Variants in STPG1 observed in about 807,000 individuals in gnomAD.
STPG1 encodes the protein O(6)-methylguanine-induced apoptosis 2.
In STPG1, 33 loss-of-function variants were observed where a neutral mutation model predicts 40.1. The ratio of observed to expected loss-of-function variants is 0.82; its 90% CI spans 0.62 to 1.10. The LOEUF is 1.10. Ranked by LOEUF, STPG1 falls within the 50% of genes least tolerant of loss-of-function variation. The probability of loss-of-function intolerance (pLI) is 0.00; values close to 1 mark genes in which losing one functional copy is unlikely to be tolerated. For missense variants in STPG1, 396 were observed against 415.1 expected, an observed-to-expected ratio of 0.95 and a Z score of 0.40; for synonymous variants, 150 against 155.0, an observed-to-expected ratio of 0.97 and a Z score of 0.24.
chr1:24,394,834 G>C (rs1267766809), intron 2 of STPG1, among the ~76,000 whole-genome samples: 2 of 152,022 alleles, frequency 1.3e-5, no homozygotes, highest in Non-Finnish European at 2.9e-5. Flanking sequence ...GAAACTTTGA[G>C]GAGCCTAATA....
chr1:24,379,542 A>G, intron 5 of STPG1, 111 bp downstream of exon 5: 1 of 1,264,744 alleles, frequency 7.9e-7, no homozygotes, highest in Non-Finnish European at 1.1e-6. Flanking sequence ...ACAAATGCTA[A>G]CTGGCTTGAC....
At chr1:24,380,458 C>T (rs1438399216) in intron 4 of STPG1, among the ~76,000 whole-genome samples, 4 of 152,198 alleles carry the variant, frequency 2.6e-5, no homozygotes, top group African/African-American at 9.6e-5. Context: ...ACAAAAGTCA[C>T]AGAAACTCAG....
chr1:24,392,463 C>T lies in STPG1; in HGVS notation c.71-784G>A, dbSNP rs144676192. Among the ~76,000 whole-genome samples, 46 of 152,320 alleles carry T rather than the reference C, an allele frequency of 3.0e-4. No homozygotes were observed. The East Asian group carries it at 8.5e-3, about 28-fold the overall frequency. On this transcript the variant is annotated intron_variant, in intron 2 of 8. Coordinates refer to ENST00000337248, the MANE Select transcript of STPG1 (RefSeq NM_001199013.2). ...TTCACCACTCCCTCATTCCCTTCTGCCCTACCACTGGGCAAGCGGATGAGA... is the reference window on the plus strand; with the variant it reads ...TTCACCACTCCCTCATTCCCTTCTGTCCTACCACTGGGCAAGCGGATGAGA...
At chr1:24,383,048 A>T (rs1291403518) in intron 4 of STPG1, among the ~76,000 whole-genome samples, 1 of 151,614 alleles carries the variant, frequency 6.6e-6, no homozygotes, top group Non-Finnish European at 1.5e-5. Flanking sequence ...AGTAGCTGGG[A>T]CTATCGACAC....
rs866358623 is a variant in STPG1 at position 24,399,911 on chromosome 1, T to C, written c.70+1408A>G. Among the ~76,000 whole-genome samples the C allele has an allele frequency of 1.3e-5, 2 of 152,226 alleles. No individual in the cohort carries two copies. Among genetic ancestry groups the C allele is most frequent in the South Asian group, 2.1e-4 (1 of 4,834 alleles). ...GGATTTGGAGCAGCTGGAATTCACA[T>C]ACATTGCTTGTAAGGAGGTAAAATT... is the stretch of plus-strand genomic sequence containing the variant. On this transcript the variant is annotated intron_variant, in intron 2 of 8. Transcript: ENST00000337248. This position sits in a 1 kb window ranked among gnomAD's most constrained non-coding sequence, Gnocchi z 4.0.
At chr1:24,364,082 G>A in intron 7 of STPG1, 1 of 1,425,744 alleles carries the variant, frequency 7.0e-7, no homozygotes, top group Non-Finnish European at 9.2e-7. Context: ...ACACAACACA[G>A]TTCAGCAACT....
At chr1:24,365,716 TG>T (rs1641413929) in intron 7 of STPG1, among the ~76,000 whole-genome samples, 1 of 152,242 alleles carries the variant, frequency 6.6e-6, no homozygotes, top group African/African-American at 2.4e-5. Flanking sequence ...ATGTGAATTT[TG>T]TGGGTTATCT....
At chr1:24,369,905 T>C (rs1641656258) in intron 6 of STPG1, 66 bp from the exon 7 acceptor site, 1 of 1,422,978 alleles carries the variant, frequency 7.0e-7, no homozygotes. Flanking sequence ...AGCAGTACCT[T>C]ACCCCTAAGA....
chr1:24,367,325 A>G (rs1187807610), intron 7 of STPG1, among the ~76,000 whole-genome samples: 2 of 152,176 alleles, frequency 1.3e-5, no homozygotes. Flanking sequence ...AAGCCAGAAG[A>G]TATTTCTCCA....
At position 24,398,875 on chromosome 1, in the gene STPG1, T is replaced by C. The variant is rs533188298; in HGVS notation, c.70+2444A>G. Among the ~76,000 whole-genome samples, 3 of 152,248 alleles carry C rather than the reference T, an allele frequency of 2.0e-5. No individual in the cohort carries two copies. In the South Asian group the frequency reaches 6.2e-4, roughly 32 times the overall value. On this transcript the variant is annotated intron_variant, in intron 2 of 8. Coordinates refer to ENST00000337248, the MANE Select transcript of STPG1 (RefSeq NM_001199013.2). ...AGGATCTATACATGGATTAGAGAAG[T>C]TAATATTTATTGTAAAGATGTAAAT...
intron 6 of STPG1, 27 bp downstream of exon 6, chr1:24,373,675 C>T: frequency 6.7e-7 from 1 of 1,496,002 alleles, no homozygotes; most frequent in African/African-American, 1.4e-5. Flanking sequence ...ACCCTTAGGT[C>T]AAGGCCAGTG....
At chr1:24,403,122 T>C (rs1643288741) in intron 1 of STPG1, among the ~76,000 whole-genome samples, 1 of 152,222 alleles carries the variant, frequency 6.6e-6, no homozygotes, top group African/African-American at 2.4e-5. Context: ...TGAATTAAAC[T>C]GTGTATACAG....
At chr1:24,407,647 A>G (rs894126052) in intron 1 of STPG1, among the ~76,000 whole-genome samples, 1 of 152,064 alleles carries the variant, frequency 6.6e-6, no homozygotes, top group Non-Finnish European at 1.5e-5. Flanking sequence ...CATCTTGGCC[A>G]GGCTGGTCTT....
chr1:24,360,148 A>G (rs1360736725), intron 8 of STPG1, among the ~76,000 whole-genome samples: 1 of 152,220 alleles, frequency 6.6e-6, no homozygotes. Context: ...TATTTTTAAG[A>G]AAAAGAACTT....
intron 1 of STPG1, among the ~76,000 whole-genome samples, chr1:24,402,956 G>C (rs561343656): frequency 6.6e-6 from 1 of 152,026 alleles, no homozygotes; most frequent in East Asian, 1.9e-4. Context: ...TTTAAATTTT[G>C]ATCAAATTTG....
At chr1:24,403,367 T>G (rs1643298538) in intron 1 of STPG1, among the ~76,000 whole-genome samples, 1 of 152,224 alleles carries the variant, frequency 6.6e-6, no homozygotes, top group Non-Finnish European at 1.5e-5. Flanking sequence ...CTCACTATCT[T>G]GCTTTAGAGT....
At chr1:24,367,595 T>C (rs917961632) in intron 7 of STPG1, among the ~76,000 whole-genome samples, 13 of 152,182 alleles carry the variant, frequency 8.5e-5, no homozygotes, top group South Asian at 2.1e-4. Flanking sequence ...CTCGGCTCAC[T>C]GCAACCTCCA....
In STPG1 at chr1:24,358,523, C is replaced by A. The variant is rs1407380852; in HGVS notation, c.*20G>T. On this transcript the variant is annotated 3_prime_UTR_variant, in exon 9 of 9. Coordinates refer to ENST00000337248, the MANE Select transcript of STPG1 (RefSeq NM_001199013.2). ...GGGTGGGCTGGTGGCTGGAGTTCTC[C>A]TTGACCTTGTGTGACATCCCTACAG... 6.2e-7 allele frequency: 1 copy of A among 1,605,698 alleles called. No individual in the cohort carries two copies.
At position 24,401,466 on chromosome 1, in the gene STPG1, C is replaced by CA. The variant is rs1432235651; in HGVS notation, c.-68-11dup. ...ATGTTCTCCTAAGCACCTGAAACAGCAAAACACAGCATTTGTAGAGATCAT... is the reference window on the plus strand; with the variant it reads ...ATGTTCTCCTAAGCACCTGAAACAGCAAAAACACAGCATTTGTAGAGATCAT... On this transcript the variant is annotated splice_polypyrimidine_tract_variant and intron_variant, in intron 1 of 8. Coordinates refer to ENST00000337248, the MANE Select transcript of STPG1 (RefSeq NM_001199013.2). 6.9e-6 allele frequency: 8 copies of CA among 1,158,676 alleles called. 1 individual carries two copies. The highest frequency in any genetic ancestry group is 1.0e-5 in the Non-Finnish European group (8 of 774,238). 71.8% of individuals were successfully genotyped at this position (1,158,676 alleles called of 1,614,324 possible).
Sources: allele counts gnomAD v4.1 joint callset (sites outside exome capture counted in the v4.1 genomes callset), GRCh38; gene constraint gnomAD v4.1.1; non-coding constraint Gnocchi (gnomAD v3.1); transcripts MANE v1.5; gene names NCBI Gene and HGNC (gene_info 2026-07-23, HGNC 2026-07-21).